Variants in BCAS3 observed in about 807,000 individuals in gnomAD.
BCAS3 encodes BCAS3 microtubule associated cell migration factor.
BCAS3 carries 53 observed loss-of-function variants against 116.1 expected under a neutral mutation model. The observed-to-expected ratio is 0.46, with a 90% CI of 0.37 to 0.57. The LOEUF is 0.57. BCAS3 is among the 20% of genes least tolerant of loss of function. BCAS3 has a pLI of 0.00. For synonymous variants in BCAS3, 391 were observed against 408.2 expected (o/e 0.96, Z 0.51); for missense variants, 917 against 1,165.4 (o/e 0.79, Z 3.10).
chr17:61,125,390 C>T (rs1022250230), intron 22 of BCAS3, among the ~76,000 whole-genome samples: 4 of 152,118 alleles, frequency 2.6e-5, no homozygotes, highest in African/African-American at 9.7e-5. Context: ...GCTTCAATGA[C>T]ATATTTGTTT....
Position 61,124,138 on chromosome 17 carries a change from A to G in BCAS3, c.2425+39574A>G, listed in dbSNP as rs2075938053. Reference sequence around the variant, plus strand: ...TTTGGAGGGAAGTCAGATATCTTTGATCTCATTTCTTTTACTCATTTTGTG... The same window carrying G: ...TTTGGAGGGAAGTCAGATATCTTTGGTCTCATTTCTTTTACTCATTTTGTG... On this transcript the variant is annotated intron_variant, in intron 22 of 23. Coordinates refer to ENST00000407086, the MANE Select transcript of BCAS3 (RefSeq NM_017679.5). The surrounding 1 kb of genome is among the most constrained non-coding windows in gnomAD (Gnocchi z 4.6). Among the ~76,000 whole-genome samples, 1 of 151,938 alleles carries G rather than the reference A, an allele frequency of 6.6e-6. No homozygotes were observed. Among genetic ancestry groups the G allele is most frequent in the Admixed American group, 6.6e-5 (1 of 15,250 alleles).
Position 61,017,898 on chromosome 17 carries a change from G to T in BCAS3, c.1637+1997G>T, listed in dbSNP as rs2065576110. On this transcript the variant is annotated intron_variant, in intron 16 of 23. Transcript: ENST00000407086. The surrounding 1 kb of genome is among the most constrained non-coding windows in gnomAD (Gnocchi z 4.7). ...GTCCTCCTGTGTTACTACACATTAT[G>T]AATTTAGATAAAATTCTTATGTTTC... is the stretch of plus-strand genomic sequence containing the variant. Among the ~76,000 whole-genome samples, 1 of 152,004 alleles carries T rather than the reference G, an allele frequency of 6.6e-6. No individual in the cohort carries two copies. Among genetic ancestry groups the T allele is most frequent in the Non-Finnish European group, 1.5e-5 (1 of 67,994 alleles).
At chr17:60,942,324 G>A (rs1248620654) in intron 13 of BCAS3, among the ~76,000 whole-genome samples, 1 of 152,158 alleles carries the variant, frequency 6.6e-6, no homozygotes, top group Non-Finnish European at 1.5e-5. Flanking sequence ...CTACTCGGGA[G>A]GCTGTGGCAG....
At chr17:60,727,249 G>T in intron 5 of BCAS3, 1 of 1,002,538 alleles carries the variant, frequency 1.0e-6, no homozygotes, top group Non-Finnish European at 1.6e-6. Context: ...CCATCCTCTT[G>T]GATCTGCAGT....
intron 12 of BCAS3, among the ~76,000 whole-genome samples, chr17:60,919,616 C>T (rs1384231640): frequency 6.6e-6 from 1 of 152,076 alleles, no homozygotes; most frequent in Non-Finnish European, 1.5e-5. Flanking sequence ...AGCCACCATG[C>T]CCGGCCCACT....
At chr17:61,006,390 C>A (rs190634406) in intron 15 of BCAS3, among the ~76,000 whole-genome samples, 1 of 152,132 alleles carries the variant, frequency 6.6e-6, no homozygotes, top group South Asian at 2.1e-4. Context: ...TATCTCAGAA[C>A]CAACTTCTGA....
intron 22 of BCAS3, among the ~76,000 whole-genome samples, chr17:61,322,806 G>C (rs958407956): frequency 7.6e-6 from 1 of 130,842 alleles, no homozygotes; most frequent in Non-Finnish European, 1.7e-5. Context: ...GAGAGAGAGA[G>C]AGAGAGAGAG....
chr17:60,898,754 G>A (rs2057680432), intron 10 of BCAS3, among the ~76,000 whole-genome samples: 1 of 152,070 alleles, frequency 6.6e-6, no homozygotes, highest in Admixed American at 6.6e-5. Flanking sequence ...GAGCCCCTGG[G>A]CAGCCAGTGT....
chr17:60,936,015 C>A lies in BCAS3; in HGVS notation c.1088-11204C>A, dbSNP rs181183178. ...AATGCTATCCCTCCCCCCTTCCCCCCACCCCACAACAGGCCCTGGTGTGTG... is the reference window on the plus strand; with the variant it reads ...AATGCTATCCCTCCCCCCTTCCCCCAACCCCACAACAGGCCCTGGTGTGTG... On this transcript the variant is annotated intron_variant, in intron 13 of 23. Coordinates refer to ENST00000407086, the MANE Select transcript of BCAS3 (RefSeq NM_017679.5). 1.8e-3 allele frequency among the ~76,000 whole-genome samples: 272 copies of A among 151,698 alleles called. 1 individual carries two copies. The highest frequency in any genetic ancestry group is 6.3e-3 in the African/African-American group (260 of 41,330).
chr17:61,251,039 C>T lies in BCAS3; in HGVS notation c.2426-117288C>T, dbSNP rs1330568220. On this transcript the variant is annotated intron_variant, in intron 22 of 23. Coordinates refer to ENST00000407086, the MANE Select transcript of BCAS3 (RefSeq NM_017679.5). The surrounding 1 kb of genome is among the most constrained non-coding windows in gnomAD (Gnocchi z 4.7). ...CCCCAAGAATTCAGATGGTGAAACA[C>T]CCTCATCCCTCCAGCCCTGCCCCCA... Among the ~76,000 whole-genome samples the T allele has an allele frequency of 2.0e-5, 3 of 152,206 alleles. No individual in the cohort carries two copies. Among genetic ancestry groups the T allele is most frequent in the Admixed American group, 6.5e-5 (1 of 15,286 alleles).
intron 7 of BCAS3, chr17:60,851,396 G>A: frequency 2.5e-6 from 1 of 398,304 alleles, no homozygotes; most frequent in Non-Finnish European, 5.0e-6. Context: ...CCGAGAGGAA[G>A]GTCAGCTCCA....
intron 22 of BCAS3, among the ~76,000 whole-genome samples, chr17:61,197,631 G>A (rs1035861835): frequency 6.6e-6 from 1 of 152,192 alleles, no homozygotes; most frequent in African/African-American, 2.4e-5. Flanking sequence ...AAGTTAGAAT[G>A]TGCACAGGGA....
In BCAS3 at chr17:61,363,734, G is replaced by A. The variant is rs1215141729; in HGVS notation, c.2426-4593G>A. Among the ~76,000 whole-genome samples, 1 of 152,144 alleles carries A rather than the reference G, an allele frequency of 6.6e-6. No homozygotes were observed. The highest frequency in any genetic ancestry group is 1.5e-5 in the Non-Finnish European group (1 of 68,006). On this transcript the variant is annotated intron_variant, in intron 22 of 23. Transcript: ENST00000407086. The surrounding 1 kb of genome is among the most constrained non-coding windows in gnomAD (Gnocchi z 4.9). Reference sequence around the variant, plus strand: ...GTCTGTTGCCAAGAGTGTGTATTTTGTCCTTTGCAAACAGCCTGCGCTAAG... The same window carrying A: ...GTCTGTTGCCAAGAGTGTGTATTTTATCCTTTGCAAACAGCCTGCGCTAAG...
At chr17:61,092,745 T>C (rs948461769) in intron 22 of BCAS3, among the ~76,000 whole-genome samples, 1 of 152,182 alleles carries the variant, frequency 6.6e-6, no homozygotes, top group Admixed American at 6.5e-5. Context: ...ATTCTGGATA[T>C]GGTCCTTTTG....
intron 22 of BCAS3, among the ~76,000 whole-genome samples, chr17:61,311,141 T>C (rs1355559312): frequency 6.6e-6 from 1 of 152,210 alleles, no homozygotes; most frequent in African/African-American, 2.4e-5. Flanking sequence ...GTAAATGCTA[T>C]GTAGATGTTA....
At position 61,344,382 on chromosome 17, in the gene BCAS3, T is replaced by A. The variant is rs2057371578; in HGVS notation, c.2426-23945T>A. On this transcript the variant is annotated intron_variant, in intron 22 of 23. Transcript: ENST00000407086. The surrounding 1 kb of genome is among the most constrained non-coding windows in gnomAD (Gnocchi z 4.1). ...ATTTCCTTTTAGGCCCAGCTTCATC[T>A]TCACGGGGACTTTCTTCCATCTGTG... 6.6e-6 allele frequency among the ~76,000 whole-genome samples: 1 copy of A among 152,242 alleles called. No individual in the cohort carries two copies. The highest frequency in any genetic ancestry group is 2.4e-5 in the African/African-American group (1 of 41,460).
chr17:61,177,994 C>G (rs1486681634), intron 22 of BCAS3, among the ~76,000 whole-genome samples: 2 of 152,110 alleles, frequency 1.3e-5, no homozygotes, highest in African/African-American at 4.8e-5. Context: ...TGTCCTACAT[C>G]TCTACATTCT....
intron 5 of BCAS3, among the ~76,000 whole-genome samples, chr17:60,731,305 C>A (rs181880173): frequency 6.1e-4 from 93 of 152,234 alleles, no homozygotes; most frequent in African/African-American, 2.2e-3. Context: ...CCTCTGCCTC[C>A]CAGTTCAAGT....
chr17:60,931,042 A>G (rs1485646691), intron 13 of BCAS3, among the ~76,000 whole-genome samples: 2 of 151,762 alleles, frequency 1.3e-5, no homozygotes, highest in Non-Finnish European at 2.9e-5. Context: ...CAGCAGCTGC[A>G]TTCATTTTTT....
Sources: allele counts gnomAD v4.1 joint callset (sites outside exome capture counted in the v4.1 genomes callset), GRCh38; gene constraint gnomAD v4.1.1; non-coding constraint Gnocchi (gnomAD v3.1); transcripts MANE v1.5; gene names NCBI Gene and HGNC (gene_info 2026-07-23, HGNC 2026-07-21).